The following RFX2 variants were observed in gnomAD, a reference collection of about 807,000 sequenced individuals.
RFX2 encodes the protein regulatory factor X2.
Under a neutral mutation model 87.8 loss-of-function variants are expected in RFX2, and 20 were observed. The ratio of observed to expected loss-of-function variants is 0.23; its 90% CI spans 0.16 to 0.33. The LOEUF is 0.33. Ranked by LOEUF, RFX2 falls within the 10% of genes least tolerant of loss-of-function variation. RFX2 has a pLI of 1.00. For synonymous variants in RFX2, 397 were observed against 431.3 expected, an observed-to-expected ratio of 0.92 and a Z score of 0.98; for missense variants, 767 against 1,012.3, an observed-to-expected ratio of 0.76 and a Z score of 3.29.
chr19:5,994,893 C>T lies in RFX2; in HGVS notation c.2114G>A (p.Gly705Asp). The T allele has an allele frequency of 6.2e-7, 1 of 1,610,492 alleles. No homozygotes were observed. Among genetic ancestry groups the T allele is most frequent in the Non-Finnish European group, 8.5e-7 (1 of 1,179,918 alleles). ...SEAGPDARSL[G>D]EPLVKRERSD... Reference sequence around the variant, plus strand: ...GCGCTCCCGCTTTACCAGGGGCTCACCCAGGCTGCGGGCGTCTGGGCCCGC... The same window carrying T: ...GCGCTCCCGCTTTACCAGGGGCTCATCCAGGCTGCGGGCGTCTGGGCCCGC... The change falls in exon 18 of 18, where the codon GGT becomes GAT. Residue 705 changes from glycine (G) to aspartate (D), a missense_variant. Physicochemically the swap from Gly to Asp is moderately conservative, Grantham distance 94 (BLOSUM62 -1). This residue lies in a region of RFX2 where 621 missense variants were observed against 873.0 expected (regional missense o/e 0.71). Coordinates refer to ENST00000303657, the MANE Select transcript of RFX2 (RefSeq NM_000635.4).
At chr19:6,072,438 C>T (rs906342099) in intron 1 of RFX2, among the ~76,000 whole-genome samples, 1 of 152,184 alleles carries the variant, frequency 6.6e-6, no homozygotes, top group Admixed American at 6.5e-5. Context: ...AGCAGTGGCT[C>T]ATGTCTGTAA....
At position 6,002,186 on chromosome 19, in the gene RFX2, G is replaced by A. The variant is rs1057303042; in HGVS notation, c.1651-163C>T. Among the ~76,000 whole-genome samples the A allele has an allele frequency of 2.6e-5, 4 of 152,250 alleles. No individual in the cohort carries two copies. The highest frequency in any genetic ancestry group is 9.6e-5 in the African/African-American group (4 of 41,468). Reference sequence around the variant, plus strand: ...AAGTCCTGTGTCTCCCGTCACAGGGGCAGAATAGAGAGCTGAGGGGGATCG... The same window carrying A: ...AAGTCCTGTGTCTCCCGTCACAGGGACAGAATAGAGAGCTGAGGGGGATCG... On this transcript the variant is annotated intron_variant, in intron 14 of 17. Coordinates refer to ENST00000303657, the MANE Select transcript of RFX2 (RefSeq NM_000635.4). The surrounding 1 kb of genome is among the most constrained non-coding windows in gnomAD (Gnocchi z 6.7).
In RFX2 at chr19:6,063,083, G is replaced by A. The variant is rs887802204; in HGVS notation, c.-8-15579C>T. On this transcript the variant is annotated intron_variant, in intron 1 of 17. Transcript: ENST00000303657. This position sits in a 1 kb window ranked among gnomAD's most constrained non-coding sequence, Gnocchi z 4.0. The stretch of plus-strand genomic sequence containing the variant: ...GTATCCCTCCTGTCCTGCCGCTCTC[G>A]CTCTTGCTCCTAGGCCGCCTTCTCC... 6.6e-6 allele frequency among the ~76,000 whole-genome samples: 1 copy of A among 152,000 alleles called. No homozygotes were observed. The highest frequency in any genetic ancestry group is 1.5e-5 in the Non-Finnish European group (1 of 67,990).
chr19:6,096,353 A>T (rs2088023269), intron 1 of RFX2, among the ~76,000 whole-genome samples: 1 of 152,250 alleles, frequency 6.6e-6, no homozygotes, highest in South Asian at 2.1e-4. Flanking sequence ...GCCCTGTACC[A>T]GTCTGTCTCA....
rs986018417 is a variant in RFX2, at chr19:6,011,421, G to C, written c.900-1170C>G. On this transcript the variant is annotated intron_variant, in intron 8 of 17. Transcript: ENST00000303657. This position sits in a 1 kb window ranked among gnomAD's most constrained non-coding sequence, Gnocchi z 4.8. ...TACGAAGCGGGGCCAGGCCTACAGG[G>C]AGGCGGGAGACCATGCTGGCGAGGT... is the stretch of plus-strand genomic sequence containing the variant. 9.2e-5 allele frequency among the ~76,000 whole-genome samples: 14 copies of C among 152,340 alleles called. No individual in the cohort carries two copies. Among genetic ancestry groups the C allele is most frequent in the Admixed American group, 2.0e-4 (3 of 15,308 alleles).
intron 5 of RFX2, among the ~76,000 whole-genome samples, chr19:6,029,124 A>G (rs1278228494): frequency 1.3e-5 from 2 of 152,098 alleles, no homozygotes; most frequent in East Asian, 3.9e-4. Context: ...CAGAAAGGTC[A>G]TGAAACAAAC....
intron 1 of RFX2, among the ~76,000 whole-genome samples, chr19:6,100,025 G>T (rs2088094043): frequency 1.3e-5 from 2 of 152,220 alleles, no homozygotes; most frequent in South Asian, 4.1e-4. Context: ...TAGTGCCAGG[G>T]TAGAGACTCA....
intron 5 of RFX2, among the ~76,000 whole-genome samples, chr19:6,028,192 C>T (rs2086913898): frequency 6.6e-6 from 1 of 150,508 alleles, no homozygotes; most frequent in South Asian, 2.1e-4. Context: ...AGAATAGGTA[C>T]ACTTTCCAAA....
rs1450363272 is a variant in RFX2, at chr19:6,017,173, G to C, written c.598-902C>G. Among the ~76,000 whole-genome samples, 2 of 152,240 alleles carry C rather than the reference G, an allele frequency of 1.3e-5. No individual in the cohort carries two copies. The highest frequency in any genetic ancestry group is 2.9e-5 in the Non-Finnish European group (2 of 68,044). Reference sequence around the variant, plus strand: ...GAGCCCAGGAGGTTGAGGCTGCAGTGAGCTAGGGTCGCGCCACACTGTACT... The same window carrying C: ...GAGCCCAGGAGGTTGAGGCTGCAGTCAGCTAGGGTCGCGCCACACTGTACT... On this transcript the variant is annotated intron_variant, in intron 6 of 17. Transcript: ENST00000303657. The surrounding 1 kb of genome is among the most constrained non-coding windows in gnomAD (Gnocchi z 4.1).
Position 6,083,984 on chromosome 19 carries a change from G to T in RFX2, c.-9+26409C>A, listed in dbSNP as rs1318740575. ...CTCCAAATACAGGAGATGAGCACACGTGTCCAGGGCACCCCAGACCTCTTG... is the reference window on the plus strand; with the variant it reads ...CTCCAAATACAGGAGATGAGCACACTTGTCCAGGGCACCCCAGACCTCTTG... On this transcript the variant is annotated intron_variant, in intron 1 of 17. Transcript: ENST00000303657. The surrounding 1 kb of genome is among the most constrained non-coding windows in gnomAD (Gnocchi z 4.6). Among the ~76,000 whole-genome samples the T allele has an allele frequency of 6.6e-6, 1 of 152,094 alleles. No individual in the cohort carries two copies. The highest frequency in any genetic ancestry group is 1.5e-5 in the Non-Finnish European group (1 of 68,014).
rs543658331 is a variant in RFX2 at position 5,997,887 on chromosome 19, T to C, written c.1860-674A>G. ...CGTGGAAATTACATGAAATTCACAT[T>C]TTGGTGTCCACAGACAGTTTCACTG... is the stretch of plus-strand genomic sequence containing the variant. On this transcript the variant is annotated intron_variant, in intron 15 of 17. Coordinates refer to ENST00000303657, the MANE Select transcript of RFX2 (RefSeq NM_000635.4). This position sits in a 1 kb window ranked among gnomAD's most constrained non-coding sequence, Gnocchi z 4.2. 6.6e-6 allele frequency among the ~76,000 whole-genome samples: 1 copy of C among 152,308 alleles called. No individual in the cohort carries two copies. Among genetic ancestry groups the C allele is most frequent in the African/African-American group, 2.4e-5 (1 of 41,562 alleles).
intron 1 of RFX2, among the ~76,000 whole-genome samples, chr19:6,081,174 C>G (rs2087778245): frequency 6.6e-6 from 1 of 152,006 alleles, no homozygotes; most frequent in Non-Finnish European, 1.5e-5. Context: ...TGCAGGAAAA[C>G]CAAGACAAAG....
rs2087423395 is a variant in RFX2, at chr19:6,061,130, C to G, written c.-8-13626G>C. Among the ~76,000 whole-genome samples, 1 of 152,182 alleles carries G rather than the reference C, an allele frequency of 6.6e-6. No homozygotes were observed. Among genetic ancestry groups the G allele is most frequent in the Non-Finnish European group, 1.5e-5 (1 of 68,034 alleles). The stretch of plus-strand genomic sequence containing the variant: ...TCCACCTGATACCATCTCTGCCTCC[C>G]CCTTCCTTCCGCTCCTGCTGCTACT... On this transcript the variant is annotated intron_variant, in intron 1 of 17. Coordinates refer to ENST00000303657, the MANE Select transcript of RFX2 (RefSeq NM_000635.4). This position sits in a 1 kb window ranked among gnomAD's most constrained non-coding sequence, Gnocchi z 5.2.
intron 1 of RFX2, among the ~76,000 whole-genome samples, chr19:6,094,253 AT>A (rs997305235): frequency 6.6e-6 from 1 of 150,862 alleles, no homozygotes; most frequent in Non-Finnish European, 1.5e-5. Context: ...TACAATTTGG[AT>A]TTTTTTTTAA....
chr19:6,103,478 A>G (rs2088159867), intron 1 of RFX2, among the ~76,000 whole-genome samples: 3 of 152,222 alleles, frequency 2.0e-5, no homozygotes, highest in Non-Finnish European at 4.4e-5. Flanking sequence ...AGACCAGGCC[A>G]GTCCCCGGCT....
At chr19:6,086,854 T>C (rs556090786) in intron 1 of RFX2, among the ~76,000 whole-genome samples, 1 of 152,316 alleles carries the variant, frequency 6.6e-6, no homozygotes, top group South Asian at 2.1e-4. Flanking sequence ...GCCTTTTCTG[T>C]TTACTACTAA....
rs572213186 is a variant in RFX2 at position 6,073,856 on chromosome 19, T to C, written c.-8-26352A>G. On this transcript the variant is annotated intron_variant, in intron 1 of 17. Transcript: ENST00000303657. ...CTTCCGGGAGTCTGAGCCATCTGAA[T>C]TGGCTGTTTACCCAGCTCATACTGA... Among the ~76,000 whole-genome samples the C allele has an allele frequency of 4.6e-5, 7 of 152,336 alleles. No homozygotes were observed. The South Asian group carries it at 1.4e-3, about 32-fold the overall frequency.
chr19:6,026,030 C>G lies in RFX2; in HGVS notation c.597+133G>C, dbSNP rs2086884560. 7.3e-6 allele frequency: 5 copies of G among 689,026 alleles called. No homozygotes were observed. In the Admixed American group the frequency reaches 1.3e-4, roughly 18 times the overall value. 42.7% of individuals were successfully genotyped at this position (689,026 alleles called of 1,614,324 possible). On this transcript the variant is annotated intron_variant, in intron 6 of 17. Coordinates refer to ENST00000303657, the MANE Select transcript of RFX2 (RefSeq NM_000635.4). The surrounding 1 kb of genome is among the most constrained non-coding windows in gnomAD (Gnocchi z 4.5). ...AAACTCCTGACTTCAAGTGATCCACCCGCCTTGGCCTCCCAAAGTGCTGGG... is the reference window on the plus strand; with the variant it reads ...AAACTCCTGACTTCAAGTGATCCACGCGCCTTGGCCTCCCAAAGTGCTGGG...
chr19:6,099,728 C>T (rs1231882330), intron 1 of RFX2, among the ~76,000 whole-genome samples: 1 of 152,158 alleles, frequency 6.6e-6, no homozygotes, highest in Non-Finnish European at 1.5e-5. Context: ...CAAATCACTA[C>T]CACCTGTCGA....
Sources: gnomAD v4.1 joint callset for allele counts (sites outside exome capture counted in the v4.1 genomes callset) on GRCh38, gnomAD v4.1.1 for gene constraint, gnomAD v4.1.1 regional missense constraint, Gnocchi (gnomAD v3.1) non-coding constraint, MANE v1.5 for transcripts, NCBI Gene and HGNC (gene_info 2026-07-23, HGNC 2026-07-21) for gene names.